Variants in ESPN observed in about 807,000 individuals in gnomAD.
ESPN encodes autosomal recessive deafness type 36 protein.
Under a neutral mutation model 77.7 loss-of-function variants are expected in ESPN, and 68 were observed. The ratio of observed to expected loss-of-function variants is 0.87; its 90% confidence interval spans 0.72 to 1.07. ESPN has a LOEUF of 1.07. ESPN is among the 50% of genes least tolerant of loss of function. The pLI is 0.00. For missense variants in ESPN, 1,060 were observed against 1,239.0 expected, an observed-to-expected ratio of 0.86 and a Z score of 2.17; for synonymous variants, 449 against 567.1, an observed-to-expected ratio of 0.79 and a Z score of 2.96.
At chr1:6,431,247 C>T (rs1444746078) in intron 2 of ESPN, among the ~76,000 whole-genome samples, 1 of 152,210 alleles carries the variant, frequency 6.6e-6, no homozygotes, top group Non-Finnish European at 1.5e-5. Flanking sequence ...ATTTTATCAA[C>T]TTCAGCAGGT....
intron 2 of ESPN, among the ~76,000 whole-genome samples, chr1:6,436,566 A>G (rs1024248681): frequency 3.3e-5 from 5 of 151,766 alleles, no homozygotes; most frequent in Non-Finnish European, 7.4e-5. Context: ...GTACAGTGGT[A>G]TGATCATAGT....
chr1:6,451,716 G>A lies in ESPN; in HGVS notation c.2029G>A (p.Val677Met), dbSNP rs777091021. ...GCCCCAGAGCAAGGGGCTGACCACA[G>A]TGTTCTCAGGCATCGGGCAGCCGGC... Reference protein sequence around the residue: ...PTPQSKGLTTVFSGIGQPAFQ... With the variant: ...PTPQSKGLTTMFSGIGQPAFQ... Residue 677 changes from valine to methionine, a missense_variant, in exon 9 of 13, where the codon GTG becomes ATG. Val to Met is a conservative substitution (Grantham distance 21, BLOSUM62 1). This residue lies in a region of ESPN where 374 missense variants were observed against 381.4 expected (regional missense o/e 0.98). Coordinates refer to ENST00000645284, the MANE Select transcript of ESPN (RefSeq NM_031475.3). This position sits in a 1 kb window ranked among gnomAD's most constrained non-coding sequence, Gnocchi z 4.3. The A allele has an allele frequency of 2.9e-5, 47 of 1,612,798 alleles. No individual in the cohort carries two copies. In the Admixed American group the frequency reaches 3.0e-4, roughly 10 times the overall value.
chr1:6,440,505 G>GGGAGCGGGGCCATCAGGGGT, intron 3 of ESPN, 65 bp downstream of exon 3: 4 of 1,395,948 alleles, frequency 2.9e-6, no homozygotes, highest in Non-Finnish European at 3.8e-6. Context: ...GGGGAGTGGA[G>GGGAGCGGGGCCATCAGGGGT]GGAGCGGGGC....
intron 7 of ESPN, chr1:6,448,202 G>A (rs1229670126): frequency 6.5e-6 from 1 of 153,842 alleles, no homozygotes; most frequent in Non-Finnish European, 1.4e-5. Context: ...GGCTCCCTCC[G>A]GCCCCGGACC....
At chr1:6,445,590 G>A in intron 6 of ESPN, 74 bp from the exon 7 acceptor site, 1 of 1,529,952 alleles carries the variant, frequency 6.5e-7, no homozygotes. Flanking sequence ...GTTTCCAGGT[G>A]GTGGAGAGTC....
Position 6,440,781 on chromosome 1 carries a change from C to G in ESPN, c.831C>G (p.His277Gln), listed in dbSNP as rs1223740364. The change falls in exon 4 of 13, where the codon CAC becomes CAG. Residue 277 changes from histidine (H) to glutamine (Q), a missense_variant. This residue lies in a region of ESPN where 556 missense variants were observed against 633.6 expected (regional missense o/e 0.88). Coordinates refer to ENST00000645284, the MANE Select transcript of ESPN (RefSeq NM_031475.3). ...SADLWGGTPL[H>Q]DAAENGELEC... is the part of the protein sequence containing the mutation. ...ACCTGTGGGGCGGGACCCCGCTGCA[C>G]GACGCCGCCGAGAACGGGGAGCTAG... 6.6e-7 allele frequency: 1 copy of G among 1,514,258 alleles called. No homozygotes were observed. Among genetic ancestry groups the G allele is most frequent in the Non-Finnish European group, 8.8e-7 (1 of 1,139,990 alleles). The allele number at this position is 1,514,258 out of a possible 1,614,324, so 93.8% of individuals were successfully genotyped here.
In ESPN at chr1:6,428,164, G is replaced by A; in HGVS notation, c.295-62G>A. On this transcript the variant is annotated intron_variant, in intron 1 of 12. Transcript: ENST00000645284. The surrounding 1 kb of genome is among the most constrained non-coding windows in gnomAD (Gnocchi z 5.4). ...TCCAGGCCTGTGGGAGTCTGGGAGT[G>A]GCCCAAGCCAGGGGCGGGGCAGCAA... is the stretch of plus-strand genomic sequence containing the variant. 3 of 1,562,126 alleles carry A rather than the reference G, an allele frequency of 1.9e-6. No individual in the cohort carries two copies. Among genetic ancestry groups the A allele is most frequent in the Non-Finnish European group, 2.6e-6 (3 of 1,133,992 alleles).
Position 6,449,071 on chromosome 1 carries a change from G to A in ESPN, c.1895G>A (p.Arg632His), listed in dbSNP as rs781763358. The change falls in exon 8 of 13, where the codon CGC becomes CAC. Residue 632 changes from arginine to histidine, a missense_variant. Around this residue, in one of 3 missense-constraint regions of ESPN, gnomAD observed 374 missense variants for 381.4 expected, o/e 0.98. Coordinates refer to ENST00000645284, the MANE Select transcript of ESPN (RefSeq NM_031475.3). ...GCTGGCCCTGGCTGCGGGCAGCGCC[G>A]CTCCTCCTCGTCCACCGGCAGTGAG... ...ESAGPGCGQR[R>H]SSSSTGSTKS... 7 of 1,482,100 alleles carry A rather than the reference G, an allele frequency of 4.7e-6. No homozygotes were observed. The highest frequency in any genetic ancestry group is 6.2e-6 in the Non-Finnish European group (7 of 1,123,500). 91.8% of individuals were successfully genotyped at this position (1,482,100 alleles called of 1,614,324 possible).
At position 6,460,337 on chromosome 1, in the gene ESPN, C is replaced by A; in HGVS notation, c.*191C>A. The A allele has an allele frequency of 1.5e-6, 1 of 683,392 alleles. No homozygotes were observed. Among genetic ancestry groups the A allele is most frequent in the Non-Finnish European group, 2.4e-6 (1 of 413,814 alleles). 42.3% of individuals were successfully genotyped at this position (683,392 alleles called of 1,614,324 possible). On this transcript the variant is annotated 3_prime_UTR_variant, in exon 13 of 13. Coordinates refer to ENST00000645284, the MANE Select transcript of ESPN (RefSeq NM_031475.3). ...CAACACTGGAGTGCACACGCCGCCA[C>A]GGTTGCCCAGAAAAAGTGCCCAAGC...
At chr1:6,443,317 T>A (rs1557705513) in intron 5 of ESPN, 1 of 152,234 alleles carries the variant, frequency 6.6e-6, no homozygotes, top group Non-Finnish European at 1.5e-5. Flanking sequence ...AAATAGCTAG[T>A]AAGTCAGGGA....
intron 2 of ESPN, among the ~76,000 whole-genome samples, chr1:6,439,304 A>G (rs1235914351): frequency 6.6e-6 from 1 of 152,246 alleles, no homozygotes; most frequent in Non-Finnish European, 1.5e-5. Flanking sequence ...AGTATGTCCC[A>G]TGCAATATTT....
chr1:6,441,517 C>T (rs1401621286), intron 5 of ESPN, among the ~76,000 whole-genome samples: 2 of 152,200 alleles, frequency 1.3e-5, no homozygotes, highest in Non-Finnish European at 2.9e-5. Flanking sequence ...CAGGAGGCAC[C>T]TCTCAGCCCC....
chr1:6,433,269 C>T (rs140175027), intron 2 of ESPN, among the ~76,000 whole-genome samples: 3,603 of 152,124 alleles, frequency 0.024, 141 homozygotes, highest in African/African-American at 0.083. Flanking sequence ...ACGGTGAAAC[C>T]CCATCTCTAC....
intron 2 of ESPN, among the ~76,000 whole-genome samples, chr1:6,439,123 T>C (rs1289849641): frequency 6.6e-6 from 1 of 151,804 alleles, no homozygotes; most frequent in Admixed American, 6.6e-5. Context: ...AAAATAAAAA[T>C]AAAAAAGAAG....
chr1:6,455,723 C>T (rs533967160), intron 10 of ESPN: 2 of 399,098 alleles, frequency 5.0e-6, no homozygotes, highest in South Asian at 1.3e-4. Context: ...TACTGTGCTA[C>T]GAGATGTTCG....
At chr1:6,459,068 C>T (rs1327584879) in intron 12 of ESPN, among the ~76,000 whole-genome samples, 3 of 152,010 alleles carry the variant, frequency 2.0e-5, no homozygotes, top group Admixed American at 6.6e-5. Flanking sequence ...TGGTGAAACC[C>T]CGTCTCTACT....
chr1:6,455,737 G>C, intron 10 of ESPN: 1 of 399,006 alleles, frequency 2.5e-6, no homozygotes, highest in Non-Finnish European at 4.4e-6. Flanking sequence ...ATGTTCGACC[G>C]ACTGGGCAGC....
chr1:6,451,977 G>A lies in ESPN; in HGVS notation c.2206G>A (p.Val736Met), dbSNP rs375388717. 3.8e-5 allele frequency: 61 copies of A among 1,609,678 alleles called. 1 individual carries two copies. Among genetic ancestry groups the A allele is most frequent in the Middle Eastern group, 1.7e-4 (1 of 6,004 alleles). The change falls in exon 10 of 13, where the codon GTG becomes ATG. Residue 736 changes from valine to methionine, a missense_variant. Val to Met is a conservative substitution (Grantham distance 21). This residue lies in a region of ESPN where 374 missense variants were observed against 381.4 expected (regional missense o/e 0.98). Coordinates refer to ENST00000645284, the MANE Select transcript of ESPN (RefSeq NM_031475.3). This position sits in a 1 kb window ranked among gnomAD's most constrained non-coding sequence, Gnocchi z 4.3. ...TCCTGCGCCGGGAGTGCAGCTGGAC[G>A]TGGAGGCTCTCATCCCCACGCACGA... ...TTPAPGVQLDVEALIPTHDEQ... is the reference protein window; with the variant it reads ...TTPAPGVQLDMEALIPTHDEQ...
rs59014273 is a variant in ESPN at position 6,436,482 on chromosome 1, C to CTTATTTATTTATTTAT, written c.489-3749_489-3734dup. 3.6e-4 allele frequency among the ~76,000 whole-genome samples: 52 copies of CTTATTTATTTATTTAT among 145,164 alleles called. 1 individual carries two copies. The highest frequency in any genetic ancestry group is 1.8e-3 in the Admixed American group (27 of 14,694). ...CTCTCTCCAGTGATGGGAATTTTTT[C>CTTATTTATTTATTTAT]TTATTTATTTATTTATTTATTTATT... On this transcript the variant is annotated intron_variant, in intron 2 of 12. Transcript: ENST00000645284.
Sources: gnomAD v4.1 joint callset for allele counts (sites outside exome capture counted in the v4.1 genomes callset) on GRCh38, gnomAD v4.1.1 for gene constraint, gnomAD v4.1.1 regional missense constraint, Gnocchi (gnomAD v3.1) non-coding constraint, MANE v1.5 for transcripts, NCBI Gene and HGNC (gene_info 2026-07-23, HGNC 2026-07-21) for gene names.